Variants in HMG20A observed in about 807,000 individuals in gnomAD.
HMG20A encodes the protein high mobility group protein 20A.
HMG20A carries 17 observed loss-of-function variants against 43.9 expected under a neutral mutation model. The ratio of observed to expected loss-of-function variants is 0.39; its 90% CI spans 0.27 to 0.58. The LOEUF (loss-of-function observed/expected upper bound fraction) is 0.58, where lower values mean the gene tolerates loss of function less well. Among genes scored for constraint, HMG20A ranks in the 20% least tolerant of loss-of-function variants. The probability of loss-of-function intolerance (pLI) is 0.59; values close to 1 mark genes in which losing one functional copy is unlikely to be tolerated. For missense variants in HMG20A, 341 were observed against 438.2 expected, an observed-to-expected ratio of 0.78 and a Z score of 1.98; for synonymous variants, 132 against 147.5, an observed-to-expected ratio of 0.89 and a Z score of 0.76.
intron 1 of HMG20A, among the ~76,000 whole-genome samples, chr15:77,451,921 G>T (rs34905779): frequency 6.6e-6 from 1 of 152,002 alleles, no homozygotes; most frequent in African/African-American, 2.4e-5. Flanking sequence ...TACATCAATC[G>T]GCCATGTTCA....
intron 4 of HMG20A, among the ~76,000 whole-genome samples, chr15:77,468,339 C>A (rs1595927842): frequency 6.6e-6 from 1 of 151,972 alleles, no homozygotes; most frequent in East Asian, 1.9e-4. Flanking sequence ...GTGCTTATTT[C>A]TTGGGATAAC....
chr15:77,510,079 C>T, the HMG20A span, among the ~76,000 whole-genome samples: 1 of 152,086 alleles, frequency 6.6e-6, no homozygotes, highest in East Asian at 1.9e-4. Context: ...TCTGTCATTC[C>T]TAGCCCCCCA....
intron 4 of HMG20A, among the ~76,000 whole-genome samples, chr15:77,468,572 TTCTCTCTC>T (rs34591065): frequency 7.0e-6 from 1 of 141,880 alleles, no homozygotes; most frequent in African/African-American, 2.6e-5. Flanking sequence ...TGCTCAGTCT[TTCTCTCTC>T]TCTCTCTCTC....
At chr15:77,447,820 C>T (rs2073691627) in intron 1 of HMG20A, 1 of 152,152 alleles carries the variant, frequency 6.6e-6, no homozygotes, top group Non-Finnish European at 1.5e-5. Flanking sequence ...AGGTGATCAA[C>T]AAATGTTTGT....
In HMG20A at chr15:77,441,571, G is replaced by T. The variant is rs2073613344; in HGVS notation, c.-4-16833G>T. Among the ~76,000 whole-genome samples the T allele has an allele frequency of 2.0e-5, 3 of 152,072 alleles. No homozygotes were observed. The South Asian group carries it at 6.2e-4, about 31-fold the overall frequency. ...AGTGATCCCAGAAACCAGTTAGTTG[G>T]TAGTATATCCTGAACTCAAAGTCAG... is the stretch of plus-strand genomic sequence containing the variant. On this transcript the variant is annotated intron_variant, in intron 1 of 9. Coordinates refer to ENST00000336216, the MANE Select transcript of HMG20A (RefSeq NM_001304504.2).
At chr15:77,507,944 G>C in the HMG20A span, among the ~76,000 whole-genome samples, 32 of 151,874 alleles carry the variant, frequency 2.1e-4, no homozygotes, top group African/African-American at 6.8e-4. Flanking sequence ...TCTTGTCTTT[G>C]GGGGGGCCCA....
At chr15:77,501,497 C>G in the HMG20A span, among the ~76,000 whole-genome samples, 1 of 152,198 alleles carries the variant, frequency 6.6e-6, no homozygotes, top group Non-Finnish European at 1.5e-5. Flanking sequence ...CTTGGGACTC[C>G]ATCTGAGCCC....
the HMG20A span, among the ~76,000 whole-genome samples, chr15:77,508,871 G>A: frequency 1.3e-5 from 2 of 152,224 alleles, no homozygotes; most frequent in African/African-American, 4.8e-5. Context: ...GGTAAGTGGG[G>A]GATACTTGAT....
At chr15:77,511,097 A>G in the HMG20A span, among the ~76,000 whole-genome samples, 2 of 152,346 alleles carry the variant, frequency 1.3e-5, no homozygotes, top group East Asian at 1.9e-4. Context: ...GCATTGAGCA[A>G]TACATAAATA....
At chr15:77,471,697 T>C in intron 5 of HMG20A, 86 bp from the exon 6 acceptor site, 2 of 823,176 alleles carry the variant, frequency 2.4e-6, no homozygotes, top group Non-Finnish European at 4.2e-6. Flanking sequence ...ACAAGCAGGT[T>C]TTATAGTTTG....
chr15:77,492,816 AAAAT>A, the HMG20A span, among the ~76,000 whole-genome samples: 47 of 151,926 alleles, frequency 3.1e-4, no homozygotes, highest in Admixed American at 9.8e-4. Flanking sequence ...GTCTCCAAGG[AAAAT>A]AAATAAATAA....
At chr15:77,422,399 C>T (rs900150539) in intron 1 of HMG20A, among the ~76,000 whole-genome samples, 1 of 152,096 alleles carries the variant, frequency 6.6e-6, no homozygotes, top group East Asian at 1.9e-4. Context: ...GGGCAGATCA[C>T]GAGGTCAGGA....
rs191133537 is a variant in HMG20A at position 77,460,319 on chromosome 15, A to G, written c.89+1823A>G. Among the ~76,000 whole-genome samples, 11 of 152,340 alleles carry G rather than the reference A, an allele frequency of 7.2e-5. No homozygotes were observed. In the East Asian group the frequency reaches 2.1e-3, roughly 29 times the overall value. On this transcript the variant is annotated intron_variant, in intron 2 of 9. Transcript: ENST00000336216. The stretch of plus-strand genomic sequence containing the variant: ...TTTGCCTGAAAGAAAGGATGAGCAC[A>G]ATGTAAGAAGGGAGAAAAAAAGCAG...
intron 1 of HMG20A, among the ~76,000 whole-genome samples, chr15:77,425,625 G>C (rs532027622): frequency 6.6e-6 from 1 of 152,294 alleles, no homozygotes. Flanking sequence ...AATATCTGCA[G>C]ACTTTGAAGA....
downstream of HMG20A, among the ~76,000 whole-genome samples, chr15:77,486,717 A>G (rs978223094): frequency 4.6e-5 from 7 of 152,240 alleles, no homozygotes; most frequent in African/African-American, 1.7e-4. Context: ...GCAAGTCTTG[A>G]TTTGTTTCAA....
chr15:77,478,354 G>A lies in HMG20A; in HGVS notation c.751G>A (p.Ala251Thr). 6.2e-7 allele frequency: 1 copy of A among 1,613,670 alleles called. No individual in the cohort carries two copies. Residue 251 changes from alanine (A) to threonine (T), a missense_variant, in exon 8 of 10, where the codon GCA (alanine) becomes ACA (threonine). By Grantham distance (58) the Ala-to-Thr change is moderately conservative (BLOSUM62 0). Transcript: ENST00000336216. ...CAACATGGAGTTTGAGGAGAGGAAT[G>A]CAGCCCTGCAAAAGCACGTGGAGAG... Reference protein sequence around the residue: ...KSNMEFEERNAALQKHVESMR... With the variant: ...KSNMEFEERNTALQKHVESMR...
intron 4 of HMG20A, among the ~76,000 whole-genome samples, chr15:77,468,190 C>T (rs1053027035): frequency 3.3e-5 from 5 of 152,082 alleles, no homozygotes; most frequent in South Asian, 2.1e-4. Flanking sequence ...ATTGTTTTGG[C>T]GCTACTGTAT....
chr15:77,498,780 C>G, the HMG20A span, among the ~76,000 whole-genome samples: 1 of 152,210 alleles, frequency 6.6e-6, no homozygotes, highest in East Asian at 1.9e-4. Flanking sequence ...AGACACCGTC[C>G]TATTATTCCC....
intron 1 of HMG20A, among the ~76,000 whole-genome samples, chr15:77,449,627 G>C (rs2073713254): frequency 6.6e-6 from 1 of 151,802 alleles, no homozygotes; most frequent in Admixed American, 6.6e-5. Flanking sequence ...ATATAATATG[G>C]CAATTTTAAA....
Sources: gnomAD v4.1 joint callset for allele counts (sites outside exome capture counted in the v4.1 genomes callset) on GRCh38, gnomAD v4.1.1 for gene constraint, MANE v1.5 for transcripts, NCBI Gene and HGNC (gene_info 2026-07-23, HGNC 2026-07-21) for gene names.